Variants in NKAIN2 observed in about 807,000 individuals in gnomAD.
The protein encoded by NKAIN2 is sodium/potassium-transporting ATPase subunit beta-1-interacting protein 2.
A neutral mutation model predicts 32.6 loss-of-function variants in NKAIN2; 14 were observed. The observed-to-expected ratio is 0.43, with a 90% confidence interval of 0.28 to 0.67. The LOEUF (loss-of-function observed/expected upper bound fraction) is 0.67. NKAIN2 is among the 30% of genes least tolerant of loss of function. The pLI, the probability that NKAIN2 is intolerant of heterozygous loss-of-function variation, is 0.17. For synonymous variants in NKAIN2, 80 were observed against 87.2 expected, an observed-to-expected ratio of 0.92 and a Z score of 0.46; for missense variants, 198 against 258.3, an observed-to-expected ratio of 0.77 and a Z score of 1.60.
In NKAIN2 at chr6:123,860,955, A is replaced by G. The variant is rs1405598780; in HGVS notation, c.54+56701A>G. ...CAGTTGTGTGCCCAGGTATCTTCCC[A>G]ACATCTCTCCTCCATGCCCCAGCAT... On this transcript the variant is annotated intron_variant, in intron 1 of 6. Coordinates refer to ENST00000368417, the MANE Select transcript of NKAIN2 (RefSeq NM_001040214.3). 1.3e-5 allele frequency among the ~76,000 whole-genome samples: 2 copies of G among 152,114 alleles called. 1 individual carries two copies. The highest frequency in any genetic ancestry group is 3.9e-4 in the East Asian group (2 of 5,180).
rs1026417126 is a variant in NKAIN2 at position 124,097,332 on chromosome 6, G to A, written c.55-185673G>A. On this transcript the variant is annotated intron_variant, in intron 1 of 6. Coordinates refer to ENST00000368417, the MANE Select transcript of NKAIN2 (RefSeq NM_001040214.3). ...AGCGGGAGAATCGCTTGAACCTGGG[G>A]TTGGAGGTTGCATTGAGCCGACATC... Among the ~76,000 whole-genome samples, 112 of 151,782 alleles carry A rather than the reference G, an allele frequency of 7.4e-4. 1 individual carries two copies. Among genetic ancestry groups the A allele is most frequent in the African/African-American group, 2.4e-3 (98 of 41,348 alleles).
chr6:124,764,825 A>G (rs1778439424), intron 4 of NKAIN2, among the ~76,000 whole-genome samples: 1 of 152,172 alleles, frequency 6.6e-6, no homozygotes, highest in Non-Finnish European at 1.5e-5. Flanking sequence ...GGTTGAGAGG[A>G]GTAAAGCATC....
intron 3 of NKAIN2, among the ~76,000 whole-genome samples, chr6:124,531,114 C>T (rs1262562165): frequency 6.6e-6 from 1 of 152,188 alleles, no homozygotes; most frequent in East Asian, 1.9e-4. Flanking sequence ...AAAGAAAAGT[C>T]AGCAGCCTGT....
intron 1 of NKAIN2, among the ~76,000 whole-genome samples, chr6:124,274,482 GA>G (rs1187267301): frequency 6.6e-6 from 1 of 152,062 alleles, no homozygotes; most frequent in Non-Finnish European, 1.5e-5. Context: ...TAAAAATTGT[GA>G]AAACAATACC....
intron 4 of NKAIN2, among the ~76,000 whole-genome samples, chr6:124,665,774 A>C (rs1772766971): frequency 6.6e-6 from 1 of 151,938 alleles, no homozygotes; most frequent in South Asian, 2.1e-4. Context: ...TGCTCCATTG[A>C]CTCCTTTTTA....
intron 1 of NKAIN2, among the ~76,000 whole-genome samples, chr6:124,094,125 C>A (rs73563134): frequency 6.6e-6 from 1 of 152,104 alleles, no homozygotes. Context: ...CACCCATTAA[C>A]AATGCAGCTT....
At chr6:124,203,736 TAGAG>T (rs1222623758) in intron 1 of NKAIN2, among the ~76,000 whole-genome samples, 1 of 151,690 alleles carries the variant, frequency 6.6e-6, no homozygotes, top group Non-Finnish European at 1.5e-5. Flanking sequence ...TAGTGAGAAT[TAGAG>T]AGAGGATATG....
At chr6:123,806,806 A>C (rs539549240) in intron 1 of NKAIN2, among the ~76,000 whole-genome samples, 39 of 152,138 alleles carry the variant, frequency 2.6e-4, no homozygotes, top group Middle Eastern at 6.8e-3. Context: ...TAGAAACTTT[A>C]TTCAGTTGCT....
At chr6:124,351,380 C>T (rs549601733) in intron 2 of NKAIN2, among the ~76,000 whole-genome samples, 17 of 151,784 alleles carry the variant, frequency 1.1e-4, no homozygotes, top group Admixed American at 1.1e-3. Context: ...TGATGCATGC[C>T]TGTAGTTCCA....
chr6:124,596,844 C>G (rs1782112905), intron 3 of NKAIN2, among the ~76,000 whole-genome samples: 1 of 151,782 alleles, frequency 6.6e-6, no homozygotes, highest in Admixed American at 6.6e-5. Flanking sequence ...AAGTCAAGAC[C>G]CAGAGAGCCA....
intron 6 of NKAIN2, among the ~76,000 whole-genome samples, chr6:124,822,307 T>C (rs866405205): frequency 6.6e-6 from 1 of 152,222 alleles, no homozygotes; most frequent in African/African-American, 2.4e-5. Context: ...AGAGTGTACC[T>C]TCTGTCAACC....
chr6:124,747,138 G>T (rs762846950), intron 4 of NKAIN2, among the ~76,000 whole-genome samples: 8 of 151,652 alleles, frequency 5.3e-5, no homozygotes, highest in Non-Finnish European at 8.8e-5. Context: ...TTTAATAATA[G>T]CCCTGTAAGT....
intron 2 of NKAIN2, among the ~76,000 whole-genome samples, chr6:124,341,742 C>G (rs1798123919): frequency 6.6e-6 from 1 of 152,054 alleles, no homozygotes; most frequent in East Asian, 1.9e-4. Context: ...ACTTTTATCC[C>G]TGACAAACTA....
intron 1 of NKAIN2, among the ~76,000 whole-genome samples, chr6:124,173,941 G>T (rs1789026811): frequency 6.6e-6 from 1 of 151,976 alleles, no homozygotes; most frequent in Admixed American, 6.6e-5. Flanking sequence ...GAAAATAAAG[G>T]ATTAAAATTT....
intron 1 of NKAIN2, among the ~76,000 whole-genome samples, chr6:123,868,796 C>A (rs1342467341): frequency 6.6e-6 from 1 of 152,092 alleles, no homozygotes; most frequent in African/African-American, 2.4e-5. Context: ...ACCAACTGTA[C>A]CTTGTACTCA....
intron 2 of NKAIN2, among the ~76,000 whole-genome samples, chr6:124,310,425 T>C (rs1382525967): frequency 6.6e-6 from 1 of 152,150 alleles, no homozygotes; most frequent in East Asian, 1.9e-4. Flanking sequence ...AAGTTAATAT[T>C]TGAAATGCAT....
chr6:124,726,453 C>T (rs1466644444), intron 4 of NKAIN2, among the ~76,000 whole-genome samples: 1 of 152,076 alleles, frequency 6.6e-6, no homozygotes, highest in African/African-American at 2.4e-5. Context: ...GGCACACTGA[C>T]ACCTCACACG....
Position 124,584,997 on chromosome 6 carries a change from T to C in NKAIN2, c.274-73189T>C, listed in dbSNP as rs190485991. Among the ~76,000 whole-genome samples, 12 of 152,340 alleles carry C rather than the reference T, an allele frequency of 7.9e-5. No homozygotes were observed. The East Asian group carries it at 2.3e-3, about 29-fold the overall frequency. Reference sequence around the variant, plus strand: ...AAAGGGAATCAGCATACTGAAAAGATATCTGCACTCCCATGTTTATTACAG... The same window carrying C: ...AAAGGGAATCAGCATACTGAAAAGACATCTGCACTCCCATGTTTATTACAG... On this transcript the variant is annotated intron_variant, in intron 3 of 6. Coordinates refer to ENST00000368417, the MANE Select transcript of NKAIN2 (RefSeq NM_001040214.3).
At chr6:124,490,396 G>A (rs796625150) in intron 3 of NKAIN2, 14 of 418,304 alleles carry the variant, frequency 3.3e-5, no homozygotes, top group East Asian at 1.5e-4. Flanking sequence ...GAAACAGACC[G>A]TATAGAATCA....
Sources: allele counts gnomAD v4.1 joint callset (sites outside exome capture counted in the v4.1 genomes callset), GRCh38; gene constraint gnomAD v4.1.1; transcripts MANE v1.5; gene names NCBI Gene and HGNC (gene_info 2026-07-23, HGNC 2026-07-21).